Variants in NCOA3 observed in about 807,000 individuals in gnomAD.
NCOA3 encodes the protein nuclear receptor coactivator 3, also known as CBP-interacting protein.
NCOA3 carries 51 observed loss-of-function variants against 158.8 expected under a neutral mutation model. The observed-to-expected ratio is 0.32, with a 90% CI of 0.26 to 0.41. NCOA3 has a LOEUF of 0.41. Among genes scored for constraint, NCOA3 ranks in the 10% least tolerant of loss-of-function variants. The pLI, the probability that NCOA3 is intolerant of heterozygous loss-of-function variation, is 1.00. For synonymous variants in NCOA3, 537 were observed against 592.4 expected, an observed-to-expected ratio of 0.91 and a Z score of 1.36; for missense variants, 1,510 against 1,746.6, an observed-to-expected ratio of 0.86 and a Z score of 2.41.
intron 8 of NCOA3, among the ~76,000 whole-genome samples, chr20:47,629,316 C>T (rs377764891): frequency 2.6e-5 from 4 of 151,442 alleles, no homozygotes; most frequent in Non-Finnish European, 2.9e-5. Flanking sequence ...ATCTTGTTTA[C>T]GCTGATGGAT....
chr20:47,548,655 A>T (rs968230082), intron 1 of NCOA3, among the ~76,000 whole-genome samples: 1 of 152,234 alleles, frequency 6.6e-6, no homozygotes, highest in Non-Finnish European at 1.5e-5. Flanking sequence ...TTAACATGCA[A>T]TTGAGAAATG....
intron 8 of NCOA3, 131 bp from the exon 9 acceptor site, chr20:47,633,365 T>C: frequency 1.2e-6 from 1 of 831,506 alleles, no homozygotes; most frequent in Non-Finnish European, 1.8e-6. Flanking sequence ...ATAGTAGAAA[T>C]TTGGATCAGA....
In NCOA3 at chr20:47,588,962, C is replaced by T. The variant is rs1019109428; in HGVS notation, c.-20+5701C>T. ...GGAGTACAGTGGTGCAATCTCAGCT[C>T]ACTGCAACCTCTGCCTCCCAGGTTC... On this transcript the variant is annotated intron_variant, in intron 2 of 22. Transcript: ENST00000371998. 3.3e-5 allele frequency among the ~76,000 whole-genome samples: 5 copies of T among 152,238 alleles called. No homozygotes were observed. The South Asian group carries it at 6.2e-4, about 19-fold the overall frequency.
At chr20:47,531,003 T>C (rs1484530852) in intron 1 of NCOA3, among the ~76,000 whole-genome samples, 2 of 152,186 alleles carry the variant, frequency 1.3e-5, no homozygotes, top group African/African-American at 2.4e-5. Flanking sequence ...ATCTTTCATC[T>C]CTTCCATGGC....
At chr20:47,511,524 G>GGT (rs2084130844) in intron 1 of NCOA3, among the ~76,000 whole-genome samples, 1 of 22,020 alleles carries the variant, frequency 4.5e-5, no homozygotes, top group East Asian at 2.4e-3. Flanking sequence ...TCTCTCTCGA[G>GGT]ATATATATAT....
chr20:47,605,524 T>C (rs545490805), intron 2 of NCOA3, among the ~76,000 whole-genome samples: 2 of 152,268 alleles, frequency 1.3e-5, no homozygotes, highest in Non-Finnish European at 2.9e-5. Flanking sequence ...CTTTAGCTAT[T>C]GATAATACCT....
chr20:47,517,393 G>GA (rs1215969605), intron 1 of NCOA3, among the ~76,000 whole-genome samples: 1 of 151,310 alleles, frequency 6.6e-6, no homozygotes, highest in African/African-American at 2.4e-5. Flanking sequence ...CTGAACTTGT[G>GA]AACCACCTGC....
intron 2 of NCOA3, among the ~76,000 whole-genome samples, chr20:47,618,843 C>A (rs1017757054): frequency 6.6e-6 from 1 of 152,190 alleles, no homozygotes; most frequent in African/African-American, 2.4e-5. Flanking sequence ...TGGCTTAACA[C>A]AAATGATCTG....
chr20:47,602,437 A>G (rs1052049945), intron 2 of NCOA3, among the ~76,000 whole-genome samples: 14 of 152,224 alleles, frequency 9.2e-5, no homozygotes, highest in Non-Finnish European at 1.6e-4. Context: ...TGATAATTCA[A>G]AAAGAATTCT....
At position 47,501,928 on chromosome 20, in the gene NCOA3, T is replaced by G. The variant is rs1378456242; in HGVS notation, c.-190T>G. 3 of 400,480 alleles carry G rather than the reference T, an allele frequency of 7.5e-6. No individual in the cohort carries two copies. The highest frequency in any genetic ancestry group is 1.3e-5 in the Non-Finnish European group (3 of 227,488). The allele number at this position is 400,480 out of a possible 1,614,324, so 24.8% of individuals were successfully genotyped here. A position where few individuals can be genotyped will look rare whatever the true frequency, so the allele number is the denominator to read the frequency against. ...GCCGCTCCACAGCGACGGCAGCGGC[T>G]GCGGCTTAGTCGGTGGCGGCCGGCG... On this transcript the variant is annotated 5_prime_UTR_variant, in exon 1 of 23. Transcript: ENST00000371998.
chr20:47,628,308 C>T (rs184328684), intron 8 of NCOA3: 9 of 281,268 alleles, frequency 3.2e-5, no homozygotes, highest in South Asian at 1.4e-4. Flanking sequence ...TTGCATTTTG[C>T]GTCAGAATTT....
At chr20:47,522,727 G>T (rs117020873) in intron 1 of NCOA3, among the ~76,000 whole-genome samples, 1 of 151,920 alleles carries the variant, frequency 6.6e-6, no homozygotes, top group African/African-American at 2.4e-5. Flanking sequence ...GGGGATATGT[G>T]GGGGAGGCCA....
chr20:47,585,008 G>A (rs1482203498), intron 2 of NCOA3, among the ~76,000 whole-genome samples: 2 of 145,830 alleles, frequency 1.4e-5, no homozygotes, highest in East Asian at 4.0e-4. Flanking sequence ...CAGATTGCTT[G>A]TGCTGGCAAA....
chr20:47,523,464 T>A (rs1341674473), intron 1 of NCOA3, among the ~76,000 whole-genome samples: 3 of 152,034 alleles, frequency 2.0e-5, no homozygotes, highest in Non-Finnish European at 4.4e-5. Context: ...ATATTTCGAG[T>A]GATAGTATTA....
At chr20:47,547,427 A>T (rs6094734) in intron 1 of NCOA3, among the ~76,000 whole-genome samples, 20,341 of 150,502 alleles carry the variant, frequency 0.14, 1,979 homozygotes, top group African/African-American at 0.26. Context: ...TATTATTATT[A>T]TTTTAGACGG....
chr20:47,616,210 T>C (rs1261084265), intron 2 of NCOA3, among the ~76,000 whole-genome samples: 2 of 148,518 alleles, frequency 1.3e-5, no homozygotes, highest in Admixed American at 6.8e-5. Context: ...GTTTTTTTTT[T>C]TGGACGGAGT....
chr20:47,626,623 C>A (rs1348032907), intron 5 of NCOA3, among the ~76,000 whole-genome samples: 2 of 152,110 alleles, frequency 1.3e-5, no homozygotes, highest in Non-Finnish European at 2.9e-5. Context: ...ACTGTGGTTG[C>A]TGTTTGCTGA....
At chr20:47,650,332 C>T (rs1053077806) in intron 19 of NCOA3, among the ~76,000 whole-genome samples, 7 of 150,166 alleles carry the variant, frequency 4.7e-5, no homozygotes, top group South Asian at 2.1e-4. Flanking sequence ...CTCACTGCAG[C>T]GTCAATTCCC....
At chr20:47,591,515 C>G (rs1280889077) in intron 2 of NCOA3, among the ~76,000 whole-genome samples, 2 of 152,326 alleles carry the variant, frequency 1.3e-5, no homozygotes, top group African/African-American at 2.4e-5. Flanking sequence ...ACTCTTCATT[C>G]ATCTTTATAG....
Sources: allele counts gnomAD v4.1 joint callset (sites outside exome capture counted in the v4.1 genomes callset), GRCh38; gene constraint gnomAD v4.1.1; transcripts MANE v1.5; gene names NCBI Gene and HGNC (gene_info 2026-07-23, HGNC 2026-07-21).